Variants in NSD1 observed in about 807,000 individuals in gnomAD.
The protein encoded by NSD1 is histone-lysine N-methyltransferase, H3 lysine-36 specific.
In NSD1, 26 loss-of-function variants were observed where a neutral mutation model predicts 242.7. The ratio of observed to expected loss-of-function variants is 0.11; its 90% confidence interval spans 0.08 to 0.15. NSD1 has a LOEUF of 0.15. Among genes scored for constraint, NSD1 ranks in the 10% least tolerant of loss-of-function variants. The probability of loss-of-function intolerance (pLI) is 1.00; values close to 1 mark genes in which losing one functional copy is unlikely to be tolerated. For missense variants in NSD1, 2,495 were observed against 3,272.8 expected (o/e 0.76, Z 5.80); for synonymous variants, 1,106 against 1,178.1 (o/e 0.94, Z 1.25).
In NSD1 at chr5:177,145,572, T is replaced by C. The variant is rs1178008399; in HGVS notation, c.927+9542T>C. 2.0e-5 allele frequency among the ~76,000 whole-genome samples: 3 copies of C among 152,328 alleles called. No homozygotes were observed. In the South Asian group the frequency reaches 6.2e-4, roughly 32 times the overall value. On this transcript the variant is annotated intron_variant, in intron 2 of 22. Coordinates refer to ENST00000439151, the MANE Select transcript of NSD1 (RefSeq NM_022455.5). ...CTCAGCCGCGAATATTTTCTTATTATGAAATTTTTGTTTAGATAAATGTTG... is the reference window on the plus strand; with the variant it reads ...CTCAGCCGCGAATATTTTCTTATTACGAAATTTTTGTTTAGATAAATGTTG...
intron 2 of NSD1, among the ~76,000 whole-genome samples, chr5:177,138,110 C>G (rs1000411645): frequency 6.7e-5 from 10 of 150,216 alleles, no homozygotes; most frequent in African/African-American, 2.4e-4. Context: ...AACAAACAAA[C>G]AAACAAAAAA....
At chr5:177,271,951 GTC>G (rs1757973799) in intron 16 of NSD1, among the ~76,000 whole-genome samples, 1 of 151,906 alleles carries the variant, frequency 6.6e-6, no homozygotes, top group Non-Finnish European at 1.5e-5. Context: ...TTGAAACCCT[GTC>G]TCTACTAAAA....
intron 5 of NSD1, among the ~76,000 whole-genome samples, chr5:177,222,832 T>C (rs999481525): frequency 6.6e-6 from 1 of 152,130 alleles, no homozygotes; most frequent in African/African-American, 2.4e-5. Context: ...TGGGTTGTCT[T>C]TTTATTAGTT....
chr5:177,265,956 C>T (rs1193586654), intron 14 of NSD1: 4 of 1,222,256 alleles, frequency 3.3e-6, no homozygotes, highest in Non-Finnish European at 4.8e-6. Flanking sequence ...GCGTTGGTAA[C>T]CAGCTGTTTG....
chr5:177,206,708 TGATAGG>T (rs1343389843), intron 4 of NSD1, among the ~76,000 whole-genome samples: 1 of 152,210 alleles, frequency 6.6e-6, no homozygotes, highest in Non-Finnish European at 1.5e-5. Flanking sequence ...AGCTGGTTGC[TGATAGG>T]GATGTGTCGG....
chr5:177,139,528 C>T lies in NSD1; in HGVS notation c.927+3498C>T, dbSNP rs1457447037. ...TTGAGAAAAGTGTAATTAAAAATAACTTTTCTATGTAGTCATGTGATATTA... is the reference window on the plus strand; with the variant it reads ...TTGAGAAAAGTGTAATTAAAAATAATTTTTCTATGTAGTCATGTGATATTA... On this transcript the variant is annotated intron_variant, in intron 2 of 22. Coordinates refer to ENST00000439151, the MANE Select transcript of NSD1 (RefSeq NM_022455.5). Among the ~76,000 whole-genome samples, 8 of 151,098 alleles carry T rather than the reference C, an allele frequency of 5.3e-5. No homozygotes were observed. In the South Asian group the frequency reaches 8.3e-4, roughly 16 times the overall value.
rs1211126254 is a variant in NSD1 at position 177,294,090 on chromosome 5, C to T, written c.6722C>T (p.Thr2241Ile). ...GPSTHLAEQS[T>I]GMAAQAPKMS... ...AGCACTCACCTGGCAGAGCAATCAACAGGAATGGCTGCTCAGGCACCCAAA... is the reference window on the plus strand; with the variant it reads ...AGCACTCACCTGGCAGAGCAATCAATAGGAATGGCTGCTCAGGCACCCAAA... The change falls in exon 23 of 23, where the codon ACA (threonine) becomes ATA (isoleucine). Residue 2241 changes from threonine (T) to isoleucine (I), a missense_variant. Thr to Ile is a moderately conservative substitution (Grantham distance 89). This residue lies in a region of NSD1 where 475 missense variants were observed against 563.7 expected (regional missense o/e 0.84). Transcript: ENST00000439151. The T allele has an allele frequency of 3.2e-5, 52 of 1,613,980 alleles. No individual in the cohort carries two copies. The highest frequency in any genetic ancestry group is 4.3e-5 in the Non-Finnish European group (51 of 1,180,038).
At chr5:177,280,049 G>T (rs1176536720) in intron 17 of NSD1, among the ~76,000 whole-genome samples, 1 of 147,368 alleles carries the variant, frequency 6.8e-6, no homozygotes, top group African/African-American at 2.5e-5. Flanking sequence ...TCACTCTGTT[G>T]CCCAGGCTGG....
At chr5:177,186,091 A>G (rs1198289651) in intron 2 of NSD1, among the ~76,000 whole-genome samples, 1 of 119,348 alleles carries the variant, frequency 8.4e-6, no homozygotes, top group African/African-American at 3.2e-5. Flanking sequence ...TATATTATAT[A>G]TAACATATAT....
chr5:177,182,577 G>A (rs970148224), intron 2 of NSD1, among the ~76,000 whole-genome samples: 2 of 151,980 alleles, frequency 1.3e-5, no homozygotes, highest in African/African-American at 2.4e-5. Context: ...CCCCAACTAA[G>A]TCTGGCTTTG....
rs1760226637 is a variant in NSD1 at position 177,295,920 on chromosome 5, T to C, written c.*461T>C. On this transcript the variant is annotated 3_prime_UTR_variant, in exon 23 of 23. Coordinates refer to ENST00000439151, the MANE Select transcript of NSD1 (RefSeq NM_022455.5). The surrounding 1 kb of genome is among the most constrained non-coding windows in gnomAD (Gnocchi z 4.3). ...CGATTTCCTGAGCATTCACGTGTTCTAGGCCGGGTGCTAGTCACTGATGAG... is the reference window on the plus strand; with the variant it reads ...CGATTTCCTGAGCATTCACGTGTTCCAGGCCGGGTGCTAGTCACTGATGAG... 1 of 350,072 alleles carries C rather than the reference T, an allele frequency of 2.9e-6. No homozygotes were observed. The highest frequency in any genetic ancestry group is 2.0e-5 in the African/African-American group (1 of 49,450). 21.7% of individuals were successfully genotyped at this position (350,072 alleles called of 1,614,324 possible). A position where few individuals can be genotyped will look rare whatever the true frequency, so the allele number is the denominator to read the frequency against.
chr5:177,284,317 G>C (rs906117014), intron 20 of NSD1, among the ~76,000 whole-genome samples: 2 of 152,194 alleles, frequency 1.3e-5, no homozygotes, highest in African/African-American at 4.8e-5. Flanking sequence ...GCATTGCTCT[G>C]TTGCCCAGGC....
At chr5:177,280,275 CT>C (rs1758767769) in intron 17 of NSD1, among the ~76,000 whole-genome samples, 1 of 151,264 alleles carries the variant, frequency 6.6e-6, no homozygotes, top group Non-Finnish European at 1.5e-5. Flanking sequence ...CCGTACCTGG[CT>C]CGTATTTTAT....
chr5:177,271,192 C>T (rs573683998), intron 16 of NSD1, among the ~76,000 whole-genome samples: 2 of 151,966 alleles, frequency 1.3e-5, no homozygotes, highest in African/African-American at 4.8e-5. Context: ...AAATACCTGC[C>T]GGGATTTTGG....
chr5:177,204,588 G>A (rs907991361), intron 4 of NSD1, among the ~76,000 whole-genome samples: 1 of 152,204 alleles, frequency 6.6e-6, no homozygotes, highest in Non-Finnish European at 1.5e-5. Context: ...CTGAGCTCAA[G>A]CAGCTTCCCA....
At chr5:177,137,919 A>G (rs917350927) in intron 2 of NSD1, among the ~76,000 whole-genome samples, 1 of 152,030 alleles carries the variant, frequency 6.6e-6, no homozygotes, top group African/African-American at 2.4e-5. Context: ...CTCCGTCTCT[A>G]CAAAAATTAG....
chr5:177,158,996 T>TATATATATATATATATATATGAATGA (rs1491282630), intron 2 of NSD1, among the ~76,000 whole-genome samples: 4 of 65,128 alleles, frequency 6.1e-5, no homozygotes, highest in African/African-American at 4.5e-4. Flanking sequence ...ATATGAATGA[T>TATATATATATATATATATATGAATGA]TTTATATATA....
chr5:177,160,166 C>T (rs562956163), intron 2 of NSD1, among the ~76,000 whole-genome samples: 30 of 152,264 alleles, frequency 2.0e-4, no homozygotes, highest in African/African-American at 7.0e-4. Flanking sequence ...GCTGGGATTA[C>T]AGGCATGAGC....
chr5:177,269,412 T>G lies in NSD1; in HGVS notation c.5304-190T>G, dbSNP rs73806745. ...GGGAGTGCGCGCCTGTGTGGGAATGTGGGCAGATGTTTTCCAGCTTCTAGC... is the reference window on the plus strand; with the variant it reads ...GGGAGTGCGCGCCTGTGTGGGAATGGGGGCAGATGTTTTCCAGCTTCTAGC... On this transcript the variant is annotated intron_variant, in intron 15 of 22. Coordinates refer to ENST00000439151, the MANE Select transcript of NSD1 (RefSeq NM_022455.5). This position sits in a 1 kb window ranked among gnomAD's most constrained non-coding sequence, Gnocchi z 5.1. 4.1e-3 allele frequency among the ~76,000 whole-genome samples: 631 copies of G among 152,306 alleles called. 4 individuals carry two copies. The highest frequency in any genetic ancestry group is 0.015 in the African/African-American group (611 of 41,544).
Sources: gnomAD v4.1 joint callset for allele counts (sites outside exome capture counted in the v4.1 genomes callset) on GRCh38, gnomAD v4.1.1 for gene constraint, gnomAD v4.1.1 regional missense constraint, Gnocchi (gnomAD v3.1) non-coding constraint, MANE v1.5 for transcripts, NCBI Gene and HGNC (gene_info 2026-07-23, HGNC 2026-07-21) for gene names.